The following SIL1 variants were observed in gnomAD, a reference collection of about 807,000 sequenced individuals.
SIL1 encodes the protein SIL1 nucleotide exchange factor.
In SIL1, 40 loss-of-function variants were observed where a neutral mutation model predicts 49.1. The observed-to-expected ratio is 0.81, with a 90% CI of 0.63 to 1.06. The LOEUF (loss-of-function observed/expected upper bound fraction) is 1.06. Among genes scored for constraint, SIL1 ranks in the 50% least tolerant of loss-of-function variants. SIL1 has a pLI of 0.00. For missense variants in SIL1, 500 were observed against 572.6 expected (o/e 0.87, Z 1.29); for synonymous variants, 253 against 250.8 (o/e 1.01, Z -0.08).
chr5:139,122,398 G>A (rs1265818875), intron 2 of SIL1, among the ~76,000 whole-genome samples: 1 of 152,124 alleles, frequency 6.6e-6, no homozygotes, highest in African/African-American at 2.4e-5. Flanking sequence ...TTCAAGACCA[G>A]CCTGGGCAAC....
Position 138,947,505 on chromosome 5 carries a change from G to C in SIL1, c.1030-32C>G, listed in dbSNP as rs200447085. 2.2e-5 allele frequency: 35 copies of C among 1,592,308 alleles called. No homozygotes were observed. The East Asian group carries it at 7.1e-4, about 33-fold the overall frequency. On this transcript the variant is annotated intron_variant, in intron 9 of 9. Transcript: ENST00000394817. The surrounding 1 kb of genome is among the most constrained non-coding windows in gnomAD (Gnocchi z 4.1). ...TCCGCCACAGCCGCAGGCCAGGTAG[G>C]GTGGGGGTGGGGAGAGAACACACAG... is the stretch of plus-strand genomic sequence containing the variant.
At chr5:139,129,569 G>A (rs1359457565) in intron 1 of SIL1, among the ~76,000 whole-genome samples, 1 of 152,218 alleles carries the variant, frequency 6.6e-6, no homozygotes, top group Admixed American at 6.5e-5. Context: ...CTACTCAGGA[G>A]ACTGAAGCCG....
intron 7 of SIL1, among the ~76,000 whole-genome samples, chr5:138,954,624 G>T (rs976577550): frequency 4.6e-5 from 7 of 152,246 alleles, no homozygotes; most frequent in Admixed American, 1.3e-4. Flanking sequence ...AGAGCTGAAG[G>T]TTTCCTGAGC....
At position 138,951,777 on chromosome 5, in the gene SIL1, T is replaced by A; in HGVS notation, c.864+11A>T. 6.2e-7 allele frequency: 1 copy of A among 1,613,388 alleles called. No homozygotes were observed. The highest frequency in any genetic ancestry group is 8.5e-7 in the Non-Finnish European group (1 of 1,179,444). On this transcript the variant is annotated intron_variant, in intron 8 of 9. Transcript: ENST00000394817. ...TGGAGGCTGGGCAGGAGGAAGGGCA[T>A]GGAAACACACCTTCTTCTTTGCAGT... is the stretch of plus-strand genomic sequence containing the variant.
In SIL1 at chr5:138,997,997, T is replaced by C. The variant is rs114413886; in HGVS notation, c.767+23174A>G. ...TCGTCTCTTTTATTTCTCTGAAGAA[T>C]TGCACTGGTATTTTGATAGGGATTG... On this transcript the variant is annotated intron_variant, in intron 7 of 9. Coordinates refer to ENST00000394817, the MANE Select transcript of SIL1 (RefSeq NM_022464.5). Among the ~76,000 whole-genome samples the C allele has an allele frequency of 8.3e-4, 126 of 152,350 alleles. 1 individual carries two copies. Among genetic ancestry groups the C allele is most frequent in the African/African-American group, 3.0e-3 (123 of 41,572 alleles).
At chr5:139,038,564 C>T (rs1231548974) in intron 5 of SIL1, among the ~76,000 whole-genome samples, 4 of 152,174 alleles carry the variant, frequency 2.6e-5, no homozygotes, top group South Asian at 4.1e-4. Flanking sequence ...GGTCACTGAA[C>T]GGGTATGTCT....
chr5:138,963,114 T>C (rs964781657), intron 7 of SIL1, among the ~76,000 whole-genome samples: 2 of 152,198 alleles, frequency 1.3e-5, no homozygotes, highest in African/African-American at 4.8e-5. Context: ...CTATACTCAG[T>C]TGGTGGTATA....
At chr5:139,077,020 G>A (rs1210882168) in intron 3 of SIL1, among the ~76,000 whole-genome samples, 1 of 152,180 alleles carries the variant, frequency 6.6e-6, no homozygotes, top group Non-Finnish European at 1.5e-5. Flanking sequence ...TGTAAACCCA[G>A]CTATTTGGGA....
intron 1 of SIL1, among the ~76,000 whole-genome samples, chr5:139,145,629 CGT>C (rs57675583): frequency 0.099 from 14,115 of 141,964 alleles, 900 homozygotes; most frequent in Non-Finnish European, 0.14. Flanking sequence ...GGTGTGGGGG[CGT>C]GTGTGTGTGT....
At chr5:139,080,543 T>G (rs550355717) in intron 3 of SIL1, among the ~76,000 whole-genome samples, 5 of 152,248 alleles carry the variant, frequency 3.3e-5, no homozygotes, top group Non-Finnish European at 5.9e-5. Context: ...ATTTGTCCCA[T>G]AAAAGACAAA....
chr5:139,197,436 C>A (rs932296498), intron 1 of SIL1, among the ~76,000 whole-genome samples: 1 of 152,154 alleles, frequency 6.6e-6, no homozygotes, highest in Admixed American at 6.5e-5. Flanking sequence ...GGAAAGCCAA[C>A]TGAACTTTAA....
intron 3 of SIL1, among the ~76,000 whole-genome samples, chr5:139,116,760 C>T (rs564983308): frequency 1.6e-4 from 25 of 152,362 alleles, no homozygotes; most frequent in South Asian, 1.2e-3. Context: ...TACATTCGCA[C>T]GCCACTGTGC....
chr5:139,088,988 G>A (rs894618152), intron 3 of SIL1, among the ~76,000 whole-genome samples: 4 of 152,050 alleles, frequency 2.6e-5, no homozygotes, highest in African/African-American at 4.8e-5. Flanking sequence ...TCTCAGCATC[G>A]GCTTCAGGAG....
chr5:139,176,470 T>C (rs1204987223), intron 1 of SIL1, among the ~76,000 whole-genome samples: 1 of 152,196 alleles, frequency 6.6e-6, no homozygotes, highest in Non-Finnish European at 1.5e-5. Flanking sequence ...ACCCTACTTC[T>C]CAGAACCAAT....
At chr5:138,979,639 G>A (rs1767473213) in intron 7 of SIL1, among the ~76,000 whole-genome samples, 1 of 152,168 alleles carries the variant, frequency 6.6e-6, no homozygotes, top group South Asian at 2.1e-4. Context: ...AAGTAGCTGG[G>A]ACTACCAGCA....
In SIL1 at chr5:139,033,821, G is replaced by T. The variant is rs537509411; in HGVS notation, c.454-6829C>A. On this transcript the variant is annotated intron_variant, in intron 5 of 9. Transcript: ENST00000394817. ...TTGTAGAATGGAATGTTCCATAAATGTCAATTAAATTTTTCTGGTTGAAGG... is the reference window on the plus strand; with the variant it reads ...TTGTAGAATGGAATGTTCCATAAATTTCAATTAAATTTTTCTGGTTGAAGG... Among the ~76,000 whole-genome samples, 26 of 152,234 alleles carry T rather than the reference G, an allele frequency of 1.7e-4. No homozygotes were observed. In the South Asian group the frequency reaches 5.2e-3, roughly 30 times the overall value.
At chr5:139,151,932 A>G (rs1751307840) in intron 1 of SIL1, among the ~76,000 whole-genome samples, 1 of 152,254 alleles carries the variant, frequency 6.6e-6, no homozygotes, top group South Asian at 2.1e-4. Context: ...TTTATTTCTC[A>G]ATCCTACTTT....
intron 7 of SIL1, among the ~76,000 whole-genome samples, chr5:139,001,025 C>A (rs1264628645): frequency 6.6e-6 from 1 of 151,730 alleles, no homozygotes; most frequent in Non-Finnish European, 1.5e-5. Flanking sequence ...CTACATAATC[C>A]AAACCAAAAA....
chr5:139,114,684 G>A (rs959161404), intron 3 of SIL1, among the ~76,000 whole-genome samples: 1 of 152,228 alleles, frequency 6.6e-6, no homozygotes, highest in African/African-American at 2.4e-5. Context: ...AGCCCTCAAA[G>A]TAAGAAGGGT....
Sources: gnomAD v4.1 joint callset for allele counts (sites outside exome capture counted in the v4.1 genomes callset) on GRCh38, gnomAD v4.1.1 for gene constraint, Gnocchi (gnomAD v3.1) non-coding constraint, MANE v1.5 for transcripts, NCBI Gene and HGNC (gene_info 2026-07-23, HGNC 2026-07-21) for gene names.